Variants in RIMS2 observed in about 807,000 individuals in gnomAD.
RIMS2 encodes regulating synaptic membrane exocytosis 2.
Under a neutral mutation model 174.4 loss-of-function variants are expected in RIMS2, and 59 were observed. That is an observed-to-expected ratio of 0.34 (90% CI 0.27 to 0.42). The LOEUF (loss-of-function observed/expected upper bound fraction) is 0.42. RIMS2 is among the 10% of genes least tolerant of loss of function. The pLI, the probability that RIMS2 is intolerant of heterozygous loss-of-function variation, is 1.00. For missense variants in RIMS2, 1,620 were observed against 1,666.3 expected (o/e 0.97, Z 0.48); for synonymous variants, 606 against 572.5 (o/e 1.06, Z -0.84).
chr8:103,875,425 C>T (rs775754373), intron 3 of RIMS2, among the ~76,000 whole-genome samples: 1 of 151,938 alleles, frequency 6.6e-6, no homozygotes, highest in Non-Finnish European at 1.5e-5. Context: ...ATCGAAGTTG[C>T]TGCAAAAGAG....
intron 2 of RIMS2, among the ~76,000 whole-genome samples, chr8:103,723,455 T>G (rs77389055): frequency 6.6e-6 from 1 of 152,170 alleles, no homozygotes; most frequent in African/African-American, 2.4e-5. Flanking sequence ...GTGGGTCAGA[T>G]GGCTTGGTAC....
chr8:103,770,450 C>T (rs1344859231), intron 3 of RIMS2, among the ~76,000 whole-genome samples: 1 of 152,126 alleles, frequency 6.6e-6, no homozygotes, highest in African/African-American at 2.4e-5. Flanking sequence ...ATGGTGCATG[C>T]CTATAATCCC....
intron 1 of RIMS2, among the ~76,000 whole-genome samples, chr8:103,584,828 A>T (rs1019278471): frequency 6.6e-6 from 1 of 152,210 alleles, no homozygotes; most frequent in Non-Finnish European, 1.5e-5. Flanking sequence ...AAGGAAGAGA[A>T]GATCACAGAC....
At chr8:103,749,649 A>G (rs1365657270) in intron 2 of RIMS2, among the ~76,000 whole-genome samples, 1 of 152,152 alleles carries the variant, frequency 6.6e-6, no homozygotes, top group African/African-American at 2.4e-5. Flanking sequence ...TACTGGAAGT[A>G]AATATGCATT....
intron 3 of RIMS2, among the ~76,000 whole-genome samples, chr8:103,801,626 C>T (rs1369573903): frequency 1.3e-5 from 2 of 152,108 alleles, no homozygotes; most frequent in African/African-American, 2.4e-5. Flanking sequence ...GATAATTTCT[C>T]GTTGTCTCAG....
chr8:103,854,326 C>T (rs951677073), intron 3 of RIMS2, among the ~76,000 whole-genome samples: 1 of 152,064 alleles, frequency 6.6e-6, no homozygotes, highest in African/African-American at 2.4e-5. Flanking sequence ...TTGACTTCTT[C>T]TTTTCCTATT....
chr8:104,163,191 T>A (rs78034784), intron 19 of RIMS2, among the ~76,000 whole-genome samples: 1,916 of 152,302 alleles, frequency 0.013, 35 homozygotes, highest in African/African-American at 0.044. Context: ...TTCCCTTTGA[T>A]GCAGCTCTAA....
chr8:103,737,530 C>G lies in RIMS2; in HGVS notation c.388-28697C>G, dbSNP rs546134725. Reference sequence around the variant, plus strand: ...GGTCTCTTTGCTTCTTTCCTCCAACCTTTCATACGTCTACTAGGATGGTAT... The same window carrying G: ...GGTCTCTTTGCTTCTTTCCTCCAACGTTTCATACGTCTACTAGGATGGTAT... On this transcript the variant is annotated intron_variant, in intron 2 of 23. Transcript: ENST00000504942. Among the ~76,000 whole-genome samples the G allele has an allele frequency of 7.9e-5, 12 of 152,152 alleles. No individual in the cohort carries two copies. In the South Asian group the frequency reaches 2.5e-3, roughly 32 times the overall value.
chr8:103,579,845 TATAATC>T (rs2093496906), intron 1 of RIMS2, among the ~76,000 whole-genome samples: 1 of 152,138 alleles, frequency 6.6e-6, no homozygotes, highest in African/African-American at 2.4e-5. Context: ...TCAGGAAACT[TATAATC>T]ATGGTGGGAT....
intron 19 of RIMS2, among the ~76,000 whole-genome samples, chr8:104,047,526 A>G (rs2096715178): frequency 6.6e-6 from 1 of 152,150 alleles, no homozygotes; most frequent in South Asian, 2.1e-4. Flanking sequence ...GGGAATAATT[A>G]TAGTACTACC....
chr8:103,522,312 A>AC (rs1832108093), intron 1 of RIMS2, among the ~76,000 whole-genome samples: 1 of 151,992 alleles, frequency 6.6e-6, no homozygotes, highest in Non-Finnish European at 1.5e-5. Context: ...GATTTCAGCA[A>AC]TTTTTTTTCT....
chr8:104,064,452 G>T (rs1318622357), intron 19 of RIMS2, among the ~76,000 whole-genome samples: 2 of 151,962 alleles, frequency 1.3e-5, no homozygotes, highest in Non-Finnish European at 2.9e-5. Flanking sequence ...TAGAATAAAG[G>T]TCTTGTGTAA....
intron 1 of RIMS2, among the ~76,000 whole-genome samples, chr8:103,592,395 G>A (rs577457225): frequency 2.6e-5 from 4 of 151,224 alleles, no homozygotes; most frequent in African/African-American, 9.7e-5. Context: ...AGCTCTTGGT[G>A]TCTTGCAAAG....
At chr8:103,725,186 T>G (rs1199082020) in intron 2 of RIMS2, among the ~76,000 whole-genome samples, 2 of 152,162 alleles carry the variant, frequency 1.3e-5, no homozygotes, top group Non-Finnish European at 2.9e-5. Flanking sequence ...ACATTACTCT[T>G]CTTTACAAAA....
At chr8:103,675,876 A>G (rs75823504) in intron 1 of RIMS2, among the ~76,000 whole-genome samples, 1,774 of 152,070 alleles carry the variant, frequency 0.012, 42 homozygotes, top group African/African-American at 0.04. Context: ...TCTTTTCTCT[A>G]TTTACTCTAT....
At chr8:104,243,789 A>G (rs866866182) in intron 19 of RIMS2, among the ~76,000 whole-genome samples, 2 of 152,238 alleles carry the variant, frequency 1.3e-5, no homozygotes, top group African/African-American at 2.4e-5. Flanking sequence ...GTTAAGCCCG[A>G]CAAGAAGTAA....
chr8:103,544,415 A>T (rs1275324644), intron 1 of RIMS2, among the ~76,000 whole-genome samples: 1 of 152,248 alleles, frequency 6.6e-6, no homozygotes, highest in Non-Finnish European at 1.5e-5. Context: ...CACTGCTGGT[A>T]GCCAGGCAGG....
At chr8:104,250,002 A>G (rs1329036302) in intron 22 of RIMS2, among the ~76,000 whole-genome samples, 1 of 152,230 alleles carries the variant, frequency 6.6e-6, no homozygotes, top group Non-Finnish European at 1.5e-5. Context: ...TACAGGCTCC[A>G]AGAGTAGCAT....
chr8:104,100,460 T>A (rs1032724147), intron 19 of RIMS2, among the ~76,000 whole-genome samples: 5 of 152,092 alleles, frequency 3.3e-5, no homozygotes, highest in African/African-American at 9.7e-5. Flanking sequence ...ATGAATCTCC[T>A]CTGCTATGTT....
Sources: allele counts gnomAD v4.1 joint callset (sites outside exome capture counted in the v4.1 genomes callset), GRCh38; gene constraint gnomAD v4.1.1; transcripts MANE v1.5; gene names NCBI Gene and HGNC (gene_info 2026-07-23, HGNC 2026-07-21).